Variants in DIAPH3 observed in about 807,000 individuals in gnomAD.
DIAPH3 encodes the protein protein diaphanous homolog 3.
Under a neutral mutation model 144.3 loss-of-function variants are expected in DIAPH3, and 117 were observed. The ratio of observed to expected loss-of-function variants is 0.81; its 90% CI spans 0.70 to 0.95. The LOEUF is 0.95. DIAPH3 is among the 40% of genes least tolerant of loss of function. DIAPH3 has a pLI of 0.00. For synonymous variants in DIAPH3, 519 were observed against 488.9 expected, an observed-to-expected ratio of 1.06 and a Z score of -0.81; for missense variants, 1,421 against 1,412.7, an observed-to-expected ratio of 1.01 and a Z score of -0.09.
intron 9 of DIAPH3, among the ~76,000 whole-genome samples, chr13:59,993,995 C>A (rs1394834674): frequency 6.6e-6 from 1 of 151,688 alleles, no homozygotes; most frequent in Non-Finnish European, 1.5e-5. Flanking sequence ...AAACAAGGAA[C>A]ACAAAAACTA....
At chr13:59,739,599 C>T (rs1443924736) in intron 27 of DIAPH3, among the ~76,000 whole-genome samples, 1 of 152,124 alleles carries the variant, frequency 6.6e-6, no homozygotes, top group East Asian at 1.9e-4. Flanking sequence ...TTAGTAACCA[C>T]AGACATCTAC....
At chr13:59,979,360 A>G (rs2050856445) in intron 14 of DIAPH3, among the ~76,000 whole-genome samples, 2 of 151,720 alleles carry the variant, frequency 1.3e-5, no homozygotes, top group Admixed American at 1.3e-4. Context: ...CTTTCCTATG[A>G]AGAGTTAAAG....
At chr13:59,783,039 C>G (rs2038828928) in intron 25 of DIAPH3, among the ~76,000 whole-genome samples, 1 of 151,986 alleles carries the variant, frequency 6.6e-6, no homozygotes, top group African/African-American at 2.4e-5. Context: ...TCATTTTAAG[C>G]TAGGAAGTAA....
At chr13:59,820,155 T>A (rs965724044) in intron 24 of DIAPH3, among the ~76,000 whole-genome samples, 1 of 151,990 alleles carries the variant, frequency 6.6e-6, no homozygotes, top group African/African-American at 2.4e-5. Flanking sequence ...CTTATATCAA[T>A]TATATATGCT....
chr13:60,079,010 T>C (rs2057461082), intron 4 of DIAPH3, among the ~76,000 whole-genome samples: 1 of 152,044 alleles, frequency 6.6e-6, no homozygotes, highest in Admixed American at 6.6e-5. Context: ...CCCAGATCTA[T>C]GCGTGCTGGA....
At chr13:59,911,079 T>A (rs2140234675) in intron 20 of DIAPH3, among the ~76,000 whole-genome samples, 1 of 152,192 alleles carries the variant, frequency 6.6e-6, no homozygotes, top group East Asian at 1.9e-4. Flanking sequence ...AGTATTGTTA[T>A]AATGACAAAG....
At chr13:60,076,752 C>T (rs1182038501) in intron 4 of DIAPH3, among the ~76,000 whole-genome samples, 1 of 152,086 alleles carries the variant, frequency 6.6e-6, no homozygotes, top group East Asian at 1.9e-4. Flanking sequence ...CTTTATTTGG[C>T]ACATTACCCA....
intron 4 of DIAPH3, among the ~76,000 whole-genome samples, chr13:60,045,887 A>G (rs1200813744): frequency 6.6e-6 from 1 of 152,240 alleles, no homozygotes; most frequent in Admixed American, 6.5e-5. Flanking sequence ...GTGATATTAA[A>G]AGATAAAAAA....
At chr13:59,829,436 G>C (rs921953771) in intron 24 of DIAPH3, among the ~76,000 whole-genome samples, 11 of 151,880 alleles carry the variant, frequency 7.2e-5, no homozygotes, top group African/African-American at 2.4e-4. Context: ...AAGAATCTTA[G>C]CTCCTTGGCA....
chr13:59,880,362 A>G (rs1687236629), intron 20 of DIAPH3, among the ~76,000 whole-genome samples: 1 of 152,162 alleles, frequency 6.6e-6, no homozygotes, highest in South Asian at 2.1e-4. Context: ...TAATAGTAAA[A>G]TTGTTGAACT....
intron 25 of DIAPH3, among the ~76,000 whole-genome samples, chr13:59,782,692 G>T (rs1261972859): frequency 6.6e-6 from 1 of 152,170 alleles, no homozygotes; most frequent in Non-Finnish European, 1.5e-5. Context: ...ACAACAGGTT[G>T]AATATTATGA....
chr13:59,752,711 A>G (rs774749258), intron 27 of DIAPH3, among the ~76,000 whole-genome samples: 2 of 151,374 alleles, frequency 1.3e-5, no homozygotes, highest in African/African-American at 2.5e-5. Flanking sequence ...AAACAAGGGT[A>G]AGTACAAATT....
intron 1 of DIAPH3, among the ~76,000 whole-genome samples, chr13:60,141,493 C>T (rs895934805): frequency 1.3e-5 from 2 of 152,172 alleles, no homozygotes; most frequent in African/African-American, 4.8e-5. Flanking sequence ...ACCTGCTAAT[C>T]ATATATGCTT....
Position 59,916,147 on chromosome 13 carries a change from T to C in DIAPH3, c.2265+8A>G. The stretch of plus-strand genomic sequence containing the variant: ...ATATTGAAATTTAAGCTGTGCCTGT[T>C]TGTTTACCTGAATCATAGACTCTGC... On this transcript the variant is annotated splice_region_variant and intron_variant, in intron 19 of 27. Coordinates refer to ENST00000400324, the MANE Select transcript of DIAPH3 (RefSeq NM_001042517.2). The C allele has an allele frequency of 6.2e-7, 1 of 1,609,696 alleles. No homozygotes were observed.
chr13:59,959,927 A>C (rs1397931890), intron 17 of DIAPH3, among the ~76,000 whole-genome samples: 5 of 152,188 alleles, frequency 3.3e-5, no homozygotes, highest in Admixed American at 2.6e-4. Context: ...AACTAGGAAA[A>C]ATAGATGAGA....
intron 17 of DIAPH3, among the ~76,000 whole-genome samples, chr13:59,961,682 G>A (rs1175239851): frequency 1.3e-5 from 2 of 152,136 alleles, no homozygotes. Flanking sequence ...AAGCAGCATG[G>A]CATAGCACAA....
intron 2 of DIAPH3, among the ~76,000 whole-genome samples, chr13:60,125,752 G>C (rs2058975449): frequency 6.6e-6 from 1 of 152,122 alleles, no homozygotes; most frequent in Admixed American, 6.6e-5. Flanking sequence ...AACATTATCA[G>C]ATAGGCAATG....
intron 5 of DIAPH3, among the ~76,000 whole-genome samples, chr13:60,039,133 G>A (rs1224247550): frequency 6.6e-6 from 1 of 151,740 alleles, no homozygotes; most frequent in Non-Finnish European, 1.5e-5. Context: ...AAATAATCTA[G>A]TATTTAGCAT....
chr13:60,161,887 G>C (rs1952311879), intron 1 of DIAPH3, among the ~76,000 whole-genome samples: 1 of 152,120 alleles, frequency 6.6e-6, no homozygotes, highest in Non-Finnish European at 1.5e-5. Flanking sequence ...CAAATATTCA[G>C]AAAAGTAGCA....
Sources: gnomAD v4.1 joint callset for allele counts (sites outside exome capture counted in the v4.1 genomes callset) on GRCh38, gnomAD v4.1.1 for gene constraint, MANE v1.5 for transcripts, NCBI Gene and HGNC (gene_info 2026-07-23, HGNC 2026-07-21) for gene names.